RPA3: variants seen among roughly 807,000 people sequenced by gnomAD.
RPA3 encodes the protein replication protein A3.
A neutral mutation model predicts 13.7 loss-of-function variants in RPA3; 24 were observed. The ratio of observed to expected loss-of-function variants is 1.75; its 90% CI spans 1.27 to 2.46. The LOEUF is 2.46. Ranked by LOEUF, RPA3 falls within the 30% of genes most tolerant of loss-of-function variation. The pLI is 0.00. For missense variants in RPA3, 183 were observed against 151.0 expected (o/e 1.21, Z -1.11); for synonymous variants, 59 against 51.2 (o/e 1.15, Z -0.65).
intron 1 of RPA3, among the ~76,000 whole-genome samples, chr7:7,717,902 A>G (rs1780956651): frequency 6.6e-6 from 1 of 152,240 alleles, no homozygotes; most frequent in South Asian, 2.1e-4. Context: ...TCTGTTTACC[A>G]AACTTTTCTA....
At chr7:7,690,477 T>C (rs1365653982) in intron 2 of RPA3, among the ~76,000 whole-genome samples, 2 of 152,094 alleles carry the variant, frequency 1.3e-5, no homozygotes, top group Non-Finnish European at 2.9e-5. Context: ...ATGAAAAATA[T>C]TGTATTAATC....
chr7:7,666,178 A>G (rs956944975), intron 4 of RPA3, among the ~76,000 whole-genome samples: 2 of 131,180 alleles, frequency 1.5e-5, no homozygotes, highest in East Asian at 4.9e-4. Context: ...CACTTGGGAA[A>G]GTGTTTTTTG....
chr7:7,645,221 C>G (rs1785066725), intron 4 of RPA3, among the ~76,000 whole-genome samples: 1 of 151,864 alleles, frequency 6.6e-6, no homozygotes, highest in Non-Finnish European at 1.5e-5. Context: ...ATCTTTCTTA[C>G]CTTTTGCCTA....
At chr7:7,699,738 T>C (rs1488233657) in intron 2 of RPA3, among the ~76,000 whole-genome samples, 1 of 152,238 alleles carries the variant, frequency 6.6e-6, no homozygotes, top group African/African-American at 2.4e-5. Flanking sequence ...CCACAACTTG[T>C]AAGGTTCTGT....
chr7:7,652,786 A>G (rs1035950996), intron 4 of RPA3, among the ~76,000 whole-genome samples: 1 of 152,238 alleles, frequency 6.6e-6, no homozygotes, highest in Non-Finnish European at 1.5e-5. Flanking sequence ...TTGTTCTTCA[A>G]TGGGGAGGAA....
intron 4 of RPA3, chr7:7,673,597 A>G (rs1324239510): frequency 6.6e-6 from 4 of 602,328 alleles, no homozygotes; most frequent in African/African-American, 1.8e-5. Flanking sequence ...TAAAATCTGT[A>G]AAGATGAAAG....
chr7:7,662,533 G>GCACAGTCCCT (rs1785501796), intron 4 of RPA3, among the ~76,000 whole-genome samples: 1 of 152,144 alleles, frequency 6.6e-6, no homozygotes, highest in South Asian at 2.1e-4. Context: ...GTTCCTCACC[G>GCACAGTCCCT]CACAGTCCCT....
At position 7,637,878 on chromosome 7, in the gene RPA3, T is replaced by C. The variant is rs1311827479; in HGVS notation, c.269A>G (p.Asp90Gly). ...LCTSYVQFKEDSHPFDLGLYN... is the reference protein window; with the variant it reads ...LCTSYVQFKEGSHPFDLGLYN... Reference sequence around the variant, plus strand: ...GCTTTATTTACCAAAAGGATGGCTATCTTCTTTAAACTGGACATAAGATGT... The same window carrying C: ...GCTTTATTTACCAAAAGGATGGCTACCTTCTTTAAACTGGACATAAGATGT... Residue 90 changes from aspartate to glycine, a missense_variant, in exon 7 of 8, where the codon GAT becomes GGT. Transcript: ENST00000223129. 2.5e-6 allele frequency: 4 copies of C among 1,612,194 alleles called. No homozygotes were observed. The highest frequency in any genetic ancestry group is 3.4e-6 in the Non-Finnish European group (4 of 1,178,856).
chr7:7,689,601 C>G (rs1207069385), intron 2 of RPA3: 2 of 151,998 alleles, frequency 1.3e-5, no homozygotes, highest in East Asian at 3.9e-4. Flanking sequence ...TTGGTAGAGC[C>G]CCTGTTTTTC....
intron 4 of RPA3, among the ~76,000 whole-genome samples, chr7:7,673,026 G>A (rs1779645829): frequency 6.6e-6 from 1 of 152,200 alleles, no homozygotes. Context: ...CGTGTTATCT[G>A]TTGATTTGAG....
At chr7:7,637,116 C>T in intron 7 of RPA3, 34 bp from the exon 8 acceptor site, 2 of 1,408,618 alleles carry the variant, frequency 1.4e-6, no homozygotes, top group Non-Finnish European at 2.0e-6. Flanking sequence ...ATTTAATCTA[C>T]AATGGAAAGT....
At chr7:7,681,953 A>G (rs1257000238) in intron 4 of RPA3, among the ~76,000 whole-genome samples, 1 of 152,204 alleles carries the variant, frequency 6.6e-6, no homozygotes, top group Non-Finnish European at 1.5e-5. Flanking sequence ...AGAAGGAAAA[A>G]TAACAACAAA....
intron 4 of RPA3, among the ~76,000 whole-genome samples, chr7:7,682,941 T>C (rs1779948490): frequency 6.6e-6 from 1 of 152,262 alleles, no homozygotes; most frequent in South Asian, 2.1e-4. Flanking sequence ...CACTGTTACC[T>C]GATTCTGGTT....
At chr7:7,691,037 A>G (rs1455237629) in intron 2 of RPA3, among the ~76,000 whole-genome samples, 1 of 152,174 alleles carries the variant, frequency 6.6e-6, no homozygotes, top group Non-Finnish European at 1.5e-5. Flanking sequence ...TCAGCATGGT[A>G]CAAACCTGTA....
At chr7:7,658,030 C>T (rs545276123) in intron 4 of RPA3, among the ~76,000 whole-genome samples, 2 of 152,232 alleles carry the variant, frequency 1.3e-5, no homozygotes, top group African/African-American at 4.8e-5. Context: ...TCCTTCATGT[C>T]CCTTGTAAGT....
chr7:7,686,882 A>G (rs1780053443), intron 3 of RPA3, among the ~76,000 whole-genome samples: 1 of 151,692 alleles, frequency 6.6e-6, no homozygotes, highest in Admixed American at 6.6e-5. Flanking sequence ...TACCTTCCTT[A>G]CTCCTCTCCC....
chr7:7,677,060 A>G (rs1203268184), intron 4 of RPA3, among the ~76,000 whole-genome samples: 4 of 152,168 alleles, frequency 2.6e-5, no homozygotes, highest in Non-Finnish European at 4.4e-5. Context: ...GCTTTTATTA[A>G]CATGGACACA....
chr7:7,675,679 C>A (rs570597457), intron 4 of RPA3, among the ~76,000 whole-genome samples: 2 of 152,234 alleles, frequency 1.3e-5, no homozygotes, highest in South Asian at 4.2e-4. Flanking sequence ...GGGAATTTTC[C>A]CAGGACCATC....
chr7:7,663,404 G>A (rs947018422), intron 4 of RPA3, among the ~76,000 whole-genome samples: 2 of 152,104 alleles, frequency 1.3e-5, no homozygotes, highest in African/African-American at 4.8e-5. Context: ...GCTGAAAAGT[G>A]ACATCAGTTT....
Sources: allele counts gnomAD v4.1 joint callset (sites outside exome capture counted in the v4.1 genomes callset), GRCh38; gene constraint gnomAD v4.1.1; transcripts MANE v1.5; gene names NCBI Gene and HGNC (gene_info 2026-07-23, HGNC 2026-07-21).